The following SEMA6A variants were observed in gnomAD, a reference collection of about 807,000 sequenced individuals.
SEMA6A encodes the protein semaphorin-6A.
SEMA6A carries 25 observed loss-of-function variants against 96.8 expected under a neutral mutation model. The observed-to-expected ratio is 0.26, with a 90% confidence interval of 0.19 to 0.36. The LOEUF (loss-of-function observed/expected upper bound fraction) is 0.36. Among genes scored for constraint, SEMA6A ranks in the 10% least tolerant of loss-of-function variants. The probability of loss-of-function intolerance (pLI) is 1.00; values close to 1 mark genes in which losing one functional copy is unlikely to be tolerated. For missense variants in SEMA6A, 1,363 were observed against 1,323.1 expected, an observed-to-expected ratio of 1.03 and a Z score of -0.47; for synonymous variants, 612 against 518.0, an observed-to-expected ratio of 1.18 and a Z score of -2.46.
chr5:116,558,011 A>T (rs1431215821), intron 1 of SEMA6A, among the ~76,000 whole-genome samples: 3 of 152,222 alleles, frequency 2.0e-5, no homozygotes, highest in Non-Finnish European at 4.4e-5. Context: ...ATTTTTTAAA[A>T]ATCAAATCGT....
In SEMA6A at chr5:116,446,981, A is replaced by T; in HGVS notation, c.2725T>A (p.Ser909Thr). Residue 909 changes from serine (S) to threonine (T), a missense_variant, in exon 19 of 19, where the codon TCC becomes ACC. By Grantham distance (58) the Ser-to-Thr change is moderately conservative. Transcript: ENST00000343348. ...GLSKRLEMHH[S>T]SSYGVDYKRS... Reference sequence around the variant, plus strand: ...TTATAGTCAACCCCGTAGGAAGAGGAGTGGTGCATTTCCAGCCGCTTGCTT... The same window carrying T: ...TTATAGTCAACCCCGTAGGAAGAGGTGTGGTGCATTTCCAGCCGCTTGCTT... 6.2e-7 allele frequency: 1 copy of T among 1,613,720 alleles called. No homozygotes were observed. Among genetic ancestry groups the T allele is most frequent in the East Asian group, 2.2e-5 (1 of 44,826 alleles).
At chr5:116,504,505 T>G (rs2112773903) in intron 2 of SEMA6A, among the ~76,000 whole-genome samples, 1 of 152,314 alleles carries the variant, frequency 6.6e-6, no homozygotes, top group Non-Finnish European at 1.5e-5. Context: ...GAATTATATA[T>G]AAAAGCGAGT....
intron 3 of SEMA6A, among the ~76,000 whole-genome samples, chr5:116,501,994 C>G (rs1757905843): frequency 6.6e-6 from 1 of 152,126 alleles, no homozygotes; most frequent in African/African-American, 2.4e-5. Context: ...AGTGTAAGTG[C>G]CCAAATATGC....
At chr5:116,449,440 T>C (rs1316126479) in intron 18 of SEMA6A, 1 of 684,702 alleles carries the variant, frequency 1.5e-6, no homozygotes, top group African/African-American at 1.8e-5. Context: ...TAAAGATCTC[T>C]ACCCCTTCCC....
intron 17 of SEMA6A, chr5:116,468,413 T>A (rs1003551183): frequency 6.6e-6 from 1 of 152,264 alleles, no homozygotes; most frequent in Non-Finnish European, 1.5e-5. Context: ...CTTCAACGGC[T>A]ACACGCTATT....
intron 12 of SEMA6A, among the ~76,000 whole-genome samples, chr5:116,479,089 C>G (rs577122400): frequency 6.6e-6 from 1 of 152,252 alleles, no homozygotes; most frequent in African/African-American, 2.4e-5. Context: ...ATTCATTTAA[C>G]CTTTAATTTA....
chr5:116,498,943 C>G (rs1488087357), intron 3 of SEMA6A: 2 of 152,148 alleles, frequency 1.3e-5, no homozygotes, highest in Non-Finnish European at 2.9e-5. Context: ...CCCCTTTTGG[C>G]ATGGCCTGTT....
At chr5:116,447,922 T>C (rs907432499) in intron 18 of SEMA6A, 111 bp from the exon 19 acceptor site, 1 of 846,898 alleles carries the variant, frequency 1.2e-6, no homozygotes, top group Admixed American at 2.9e-5. Context: ...CAACAGCACC[T>C]CTGCACAACT....
chr5:116,449,816 C>T (rs2303752), intron 18 of SEMA6A: 26,575 of 153,008 alleles, frequency 0.17, 2,876 homozygotes, highest in African/African-American at 0.31. Context: ...GTGTACAAGA[C>T]GGTAAGATAT....
At chr5:116,530,000 A>G (rs1366204029) in intron 1 of SEMA6A, among the ~76,000 whole-genome samples, 1 of 152,144 alleles carries the variant, frequency 6.6e-6, no homozygotes, top group Non-Finnish European at 1.5e-5. Context: ...AAATAAAAGT[A>G]GAAGAAAAAA....
intron 18 of SEMA6A, among the ~76,000 whole-genome samples, chr5:116,454,073 C>G (rs1187749390): frequency 1.3e-5 from 2 of 152,096 alleles, no homozygotes; most frequent in Non-Finnish European, 2.9e-5. Context: ...CGTTTCTGAG[C>G]TGCTGTGATA....
chr5:116,473,125 A>T (rs1208838069), intron 16 of SEMA6A, 32 bp from the exon 17 acceptor site: 6 of 1,582,168 alleles, frequency 3.8e-6, no homozygotes, highest in Non-Finnish European at 5.2e-6. Context: ...AAGGTTACTT[A>T]ATGTTTTACG....
chr5:116,547,384 T>C (rs1177873439), intron 1 of SEMA6A, among the ~76,000 whole-genome samples: 1 of 152,190 alleles, frequency 6.6e-6, no homozygotes, highest in East Asian at 1.9e-4. Flanking sequence ...GTATGTTTCT[T>C]TTTAAAGATT....
chr5:116,546,772 A>G (rs1316572661), intron 1 of SEMA6A, among the ~76,000 whole-genome samples: 2 of 152,238 alleles, frequency 1.3e-5, no homozygotes, highest in Admixed American at 6.5e-5. Flanking sequence ...TAACAGCACA[A>G]GGGAGAATTA....
At chr5:116,497,263 A>C (rs1334999846) in intron 4 of SEMA6A, 64 bp downstream of exon 4, 1 of 976,136 alleles carries the variant, frequency 1.0e-6, no homozygotes, top group East Asian at 2.5e-5. Context: ...CTTAAAATAC[A>C]TATTCTGTTC....
Position 116,447,534 on chromosome 5 carries a change from C to A in SEMA6A, c.2172G>T (p.Thr724=). ...CGAGCTTGCCGTTGTGCATGAGTGG[C>A]GTGAGGATGGCCTCCGGCTTTGGGT... is the stretch of plus-strand genomic sequence containing the variant. ...SKDPKPEAIL[T]PLMHNGKLAT... Residue 724 remains threonine (T), a synonymous_variant, in exon 19 of 19, where the codon ACG becomes ACT. Coordinates refer to ENST00000343348, the MANE Select transcript of SEMA6A (RefSeq NM_020796.5). 2 of 1,614,032 alleles carry A rather than the reference C, an allele frequency of 1.2e-6. No individual in the cohort carries two copies. Among genetic ancestry groups the A allele is most frequent in the Non-Finnish European group, 1.7e-6 (2 of 1,179,900 alleles).
At chr5:116,456,030 C>T (rs1443104622) in intron 18 of SEMA6A, among the ~76,000 whole-genome samples, 2 of 152,168 alleles carry the variant, frequency 1.3e-5, no homozygotes, top group African/African-American at 4.8e-5. Context: ...TGACAAGTTG[C>T]CTGTCTTGTA....
Position 116,504,829 on chromosome 5 carries a change from G to A in SEMA6A, c.100+16C>T, listed in dbSNP as rs1758066242. 2 of 1,566,094 alleles carry A rather than the reference G, an allele frequency of 1.3e-6. No homozygotes were observed. Among genetic ancestry groups the A allele is most frequent in the Admixed American group, 1.8e-5 (1 of 55,630 alleles). ...GTTCTCAAAGGGAGACACTGAGTGA[G>A]ACCATGGGTACTTACAGTTGCCATG... is the stretch of plus-strand genomic sequence containing the variant. On this transcript the variant is annotated intron_variant, in intron 2 of 18. Coordinates refer to ENST00000343348, the MANE Select transcript of SEMA6A (RefSeq NM_020796.5).
chr5:116,474,699 G>C (rs1240999699), intron 16 of SEMA6A, among the ~76,000 whole-genome samples: 1 of 152,128 alleles, frequency 6.6e-6, no homozygotes, highest in Admixed American at 6.5e-5. Flanking sequence ...TTCCGTTATA[G>C]AATCAAATAT....
Sources: allele counts gnomAD v4.1 joint callset (sites outside exome capture counted in the v4.1 genomes callset), GRCh38; gene constraint gnomAD v4.1.1; transcripts MANE v1.5; gene names NCBI Gene and HGNC (gene_info 2026-07-23, HGNC 2026-07-21).